The following CDH13 variants were observed in gnomAD, a reference collection of about 807,000 sequenced individuals.
CDH13 encodes the protein cadherin-13.
In CDH13, 24 loss-of-function variants were observed where a neutral mutation model predicts 63.8. The ratio of observed to expected loss-of-function variants is 0.38; its 90% confidence interval spans 0.27 to 0.53. CDH13 has a LOEUF of 0.53. Among genes scored for constraint, CDH13 ranks in the 20% least tolerant of loss-of-function variants. The pLI, the probability that CDH13 is intolerant of heterozygous loss-of-function variation, is 0.85. For missense variants in CDH13, 1,049 were observed against 903.1 expected (o/e 1.16, Z -2.07); for synonymous variants, 503 against 355.3 (o/e 1.42, Z -4.67).
chr16:82,786,557 C>T (rs1359089495), intron 1 of CDH13, among the ~76,000 whole-genome samples: 1 of 147,638 alleles, frequency 6.8e-6, no homozygotes, highest in Non-Finnish European at 1.5e-5. Flanking sequence ...GCACAATGTG[C>T]AGGTTTTTTA....
intron 4 of CDH13, among the ~76,000 whole-genome samples, chr16:83,161,563 A>C (rs957822977): frequency 1.3e-5 from 2 of 152,138 alleles, no homozygotes; most frequent in Admixed American, 1.3e-4. Flanking sequence ...ATTAAGCATT[A>C]TGTCTTTTTT....
At chr16:83,355,925 C>G (rs949604292) in intron 6 of CDH13, among the ~76,000 whole-genome samples, 1 of 152,168 alleles carries the variant, frequency 6.6e-6, no homozygotes, top group African/African-American at 2.4e-5. Flanking sequence ...AGGTTCCACA[C>G]CTACCTTTTA....
intron 10 of CDH13, among the ~76,000 whole-genome samples, chr16:83,693,504 C>T (rs1423595177): frequency 6.6e-6 from 1 of 152,174 alleles, no homozygotes; most frequent in Non-Finnish European, 1.5e-5. Context: ...CCGGGTACCT[C>T]ACTGCTTAAA....
chr16:82,975,386 G>A (rs751461334), intron 2 of CDH13, among the ~76,000 whole-genome samples: 8 of 152,186 alleles, frequency 5.3e-5, no homozygotes, highest in Non-Finnish European at 7.4e-5. Context: ...GGTCACAGTC[G>A]TAGTCAGGCC....
At chr16:83,144,250 G>C (rs995842119) in intron 4 of CDH13, among the ~76,000 whole-genome samples, 2 of 152,160 alleles carry the variant, frequency 1.3e-5, no homozygotes, top group Non-Finnish European at 2.9e-5. Context: ...TATTTGGATA[G>C]TCAAGGCACC....
At chr16:83,037,318 C>T (rs1916951394) in intron 3 of CDH13, among the ~76,000 whole-genome samples, 1 of 152,124 alleles carries the variant, frequency 6.6e-6, no homozygotes. Flanking sequence ...TTGAAACTGA[C>T]AAAAATGAGA....
intron 4 of CDH13, among the ~76,000 whole-genome samples, chr16:83,158,321 T>G (rs1046825100): frequency 3.3e-5 from 5 of 152,238 alleles, no homozygotes; most frequent in Non-Finnish European, 7.3e-5. Context: ...TGAATGTTGT[T>G]TCTCCTCACT....
intron 6 of CDH13, among the ~76,000 whole-genome samples, chr16:83,353,378 G>A (rs894028136): frequency 6.6e-6 from 1 of 151,530 alleles, no homozygotes; most frequent in African/African-American, 2.4e-5. Context: ...CACCCTGATG[G>A]GCACCATTGC....
At chr16:83,587,748 C>G (rs1170577869) in intron 7 of CDH13, among the ~76,000 whole-genome samples, 2 of 151,976 alleles carry the variant, frequency 1.3e-5, no homozygotes, top group Non-Finnish European at 2.9e-5. Flanking sequence ...CTTTTATTAC[C>G]CATACAGAGA....
chr16:83,074,649 T>G (rs540065716), intron 3 of CDH13, among the ~76,000 whole-genome samples: 3 of 152,242 alleles, frequency 2.0e-5, no homozygotes, highest in Non-Finnish European at 2.9e-5. Context: ...TCCACATCCT[T>G]GCTAGCATCT....
At chr16:83,266,103 AT>A (rs1301999987) in intron 5 of CDH13, among the ~76,000 whole-genome samples, 3 of 151,894 alleles carry the variant, frequency 2.0e-5, no homozygotes, top group Non-Finnish European at 4.4e-5. Context: ...CGTCCGGCTA[AT>A]TTTTGTGTTT....
chr16:83,413,441 C>T (rs910971671), intron 6 of CDH13, among the ~76,000 whole-genome samples: 2 of 152,202 alleles, frequency 1.3e-5, no homozygotes, highest in African/African-American at 4.8e-5. Context: ...ACTTTCATTC[C>T]TCACCAGGCA....
chr16:83,323,174 T>TCTTTTCTTTCTTTCTTTCTTTC (rs1555530162), intron 5 of CDH13, among the ~76,000 whole-genome samples: 2 of 82,256 alleles, frequency 2.4e-5, no homozygotes, highest in African/African-American at 4.8e-5. Flanking sequence ...TCTCTTTCTT[T>TCTTTTCTTTCTTTCTTTCTTTC]TTTCTTTCTT....
Position 83,670,884 on chromosome 16 carries a change from C to T in CDH13, c.1196C>T (p.Ala399Val). The change falls in exon 9 of 14, where the codon GCC becomes GTC. Residue 399 changes from alanine (A) to valine (V), a missense_variant. Transcript: ENST00000567109. ...CCCACCACAGGTGCATGGAGGGCTG[C>T]CTACACCATCATCAACGGAAACCCC... is the stretch of plus-strand genomic sequence containing the variant. The part of the protein sequence containing the change: ...DDPTTGAWRA[A>V]YTIINGNPGQ... The T allele has an allele frequency of 6.2e-7, 1 of 1,613,744 alleles. No individual in the cohort carries two copies.
At chr16:83,378,466 G>A (rs189005419) in intron 6 of CDH13, among the ~76,000 whole-genome samples, 1 of 152,146 alleles carries the variant, frequency 6.6e-6, no homozygotes, top group African/African-American at 2.4e-5. Context: ...GATAATATAT[G>A]TGACTGTTAT....
intron 3 of CDH13, among the ~76,000 whole-genome samples, chr16:83,039,048 G>C (rs1231840678): frequency 1.3e-5 from 2 of 152,218 alleles, no homozygotes; most frequent in East Asian, 3.8e-4. Context: ...AACAGTGGTA[G>C]AATTTAGATG....
intron 6 of CDH13, among the ~76,000 whole-genome samples, chr16:83,447,031 C>G (rs982509009): frequency 1.6e-5 from 2 of 125,520 alleles, no homozygotes; most frequent in African/African-American, 5.8e-5. Context: ...ATAGACTTAC[C>G]ACCACCACTG....
At chr16:82,664,167 T>C (rs567196459) in intron 1 of CDH13, among the ~76,000 whole-genome samples, 1 of 152,270 alleles carries the variant, frequency 6.6e-6, no homozygotes, top group Non-Finnish European at 1.5e-5. Context: ...GCTAAATAAA[T>C]GTTAGCTTTT....
At chr16:82,838,355 G>C (rs2038860591) in intron 1 of CDH13, among the ~76,000 whole-genome samples, 1 of 152,176 alleles carries the variant, frequency 6.6e-6, no homozygotes, top group Non-Finnish European at 1.5e-5. Flanking sequence ...TCCACTATAG[G>C]GATGGACAGG....
Sources: allele counts gnomAD v4.1 joint callset (sites outside exome capture counted in the v4.1 genomes callset), GRCh38; gene constraint gnomAD v4.1.1; transcripts MANE v1.5; gene names NCBI Gene and HGNC (gene_info 2026-07-23, HGNC 2026-07-21).